Variants in ADARB2 observed in about 807,000 individuals in gnomAD.
ADARB2 encodes the protein inactive double-stranded RNA-specific editase B2.
ADARB2 carries 25 observed loss-of-function variants against 62.2 expected under a neutral mutation model. That is an observed-to-expected ratio of 0.40 (90% CI 0.29 to 0.56). The LOEUF (loss-of-function observed/expected upper bound fraction) is 0.56, where lower values mean the gene tolerates loss of function less well. Among genes scored for constraint, ADARB2 ranks in the 20% least tolerant of loss-of-function variants. The pLI, the probability that ADARB2 is intolerant of heterozygous loss-of-function variation, is 0.43. For missense variants in ADARB2, 1,071 were observed against 1,077.4 expected (o/e 0.99, Z 0.08); for synonymous variants, 572 against 500.8 (o/e 1.14, Z -1.90).
intron 1 of ADARB2, among the ~76,000 whole-genome samples, chr10:1,416,309 G>A (rs908515059): frequency 6.6e-6 from 1 of 152,258 alleles, no homozygotes; most frequent in African/African-American, 2.4e-5. Flanking sequence ...AACTCATGCT[G>A]CCAAAAGTTG....
chr10:1,478,039 C>T (rs7922199), intron 1 of ADARB2, among the ~76,000 whole-genome samples: 37,445 of 152,098 alleles, frequency 0.25, 4,758 homozygotes, highest in East Asian at 0.47. Context: ...TGCAGCAAAC[C>T]TCCCCGAGCC....
At chr10:1,401,693 T>TG (rs1226931593) in intron 1 of ADARB2, among the ~76,000 whole-genome samples, 1 of 151,436 alleles carries the variant, frequency 6.6e-6, no homozygotes, top group African/African-American at 2.4e-5. Context: ...GGTTTGGGAG[T>TG]GGGGTCCAGG....
chr10:1,463,420 A>T (rs1349083144), intron 1 of ADARB2, among the ~76,000 whole-genome samples: 2 of 152,188 alleles, frequency 1.3e-5, no homozygotes, highest in South Asian at 4.1e-4. Context: ...TCCATGATGC[A>T]GATGCAGACA....
At chr10:1,392,720 C>T (rs1034589235) in intron 1 of ADARB2, among the ~76,000 whole-genome samples, 7 of 152,158 alleles carry the variant, frequency 4.6e-5, no homozygotes, top group South Asian at 2.1e-4. Flanking sequence ...TTGTAAAACA[C>T]GAGAAGGTTT....
chr10:1,573,029 C>T (rs1475649704), intron 1 of ADARB2, among the ~76,000 whole-genome samples: 1 of 152,254 alleles, frequency 6.6e-6, no homozygotes, highest in Non-Finnish European at 1.5e-5. Context: ...GGGTTGGCTT[C>T]AGCAGCCCAG....
At chr10:1,579,587 T>A (rs1399065700) in intron 1 of ADARB2, among the ~76,000 whole-genome samples, 1 of 152,198 alleles carries the variant, frequency 6.6e-6, no homozygotes, top group African/African-American at 2.4e-5. Context: ...TGAGGCAGCA[T>A]GTCACAGACA....
intron 1 of ADARB2, among the ~76,000 whole-genome samples, chr10:1,475,570 A>C (rs1362314494): frequency 6.6e-6 from 1 of 152,234 alleles, no homozygotes; most frequent in African/African-American, 2.4e-5. Context: ...AAATTGGAAG[A>C]GAAGGAGACA....
intron 1 of ADARB2, among the ~76,000 whole-genome samples, chr10:1,510,095 CTTTT>C (rs1460095729): frequency 3.4e-5 from 4 of 117,990 alleles, no homozygotes; most frequent in Admixed American, 1.1e-4. Flanking sequence ...CTCTCTCTCT[CTTTT>C]CTTTCTTTCT....
chr10:1,673,684 G>T (rs1834423225), intron 1 of ADARB2, among the ~76,000 whole-genome samples: 1 of 152,184 alleles, frequency 6.6e-6, no homozygotes, highest in Non-Finnish European at 1.5e-5. Context: ...GAAGGAAAGG[G>T]CGAATCCCTC....
chr10:1,196,737 A>C (rs967407065), intron 8 of ADARB2, among the ~76,000 whole-genome samples: 1 of 152,150 alleles, frequency 6.6e-6, no homozygotes, highest in Non-Finnish European at 1.5e-5. Flanking sequence ...TTTAGTTTTC[A>C]TGAAAAGATA....
At chr10:1,222,197 T>G (rs1411082718) in intron 6 of ADARB2, among the ~76,000 whole-genome samples, 1 of 152,266 alleles carries the variant, frequency 6.6e-6, no homozygotes, top group East Asian at 1.9e-4. Flanking sequence ...ATGTGTCTTT[T>G]GGCTGCATAA....
chr10:1,594,788 G>A (rs1170311575), intron 1 of ADARB2, among the ~76,000 whole-genome samples: 1 of 152,238 alleles, frequency 6.6e-6, no homozygotes, highest in Non-Finnish European at 1.5e-5. Flanking sequence ...ATGATATCAG[G>A]TCCTGTAAGT....
intron 3 of ADARB2, among the ~76,000 whole-genome samples, chr10:1,345,100 T>C (rs1010909042): frequency 1.3e-5 from 2 of 150,980 alleles, no homozygotes; most frequent in African/African-American, 2.4e-5. Flanking sequence ...GCCTCGGGTG[T>C]GAGCCAGGAG....
intron 1 of ADARB2, among the ~76,000 whole-genome samples, chr10:1,732,583 G>A (rs1262231835): frequency 3.3e-5 from 5 of 152,226 alleles, no homozygotes; most frequent in Non-Finnish European, 7.3e-5. Flanking sequence ...ATTAGGTGCT[G>A]GTTAACGGTT....
chr10:1,328,547 A>G (rs181542229), intron 3 of ADARB2, among the ~76,000 whole-genome samples: 210 of 152,242 alleles, frequency 1.4e-3, no homozygotes, highest in African/African-American at 3.9e-3. Context: ...ACATACTTCA[A>G]TTATTCTTAT....
chr10:1,220,242 A>G (rs946198392), intron 6 of ADARB2, among the ~76,000 whole-genome samples: 1,952 of 58,974 alleles, frequency 0.033, no homozygotes, highest in East Asian at 0.053. Context: ...TGGTGGTGAT[A>G]ATGGTGGTGG....
chr10:1,240,998 C>T (rs1335570162), intron 5 of ADARB2, among the ~76,000 whole-genome samples: 1 of 152,062 alleles, frequency 6.6e-6, no homozygotes, highest in East Asian at 1.9e-4. Flanking sequence ...GGGCTGAGCA[C>T]AGTGGCTCAT....
chr10:1,312,400 G>T (rs1831700371), intron 3 of ADARB2, among the ~76,000 whole-genome samples: 1 of 152,260 alleles, frequency 6.6e-6, no homozygotes, highest in Non-Finnish European at 1.5e-5. Flanking sequence ...AGCAGGTTCA[G>T]TTATTCTGCT....
chr10:1,485,573 G>A (rs1015880580), intron 1 of ADARB2, among the ~76,000 whole-genome samples: 9 of 152,166 alleles, frequency 5.9e-5, no homozygotes, highest in Non-Finnish European at 4.4e-5. Context: ...AGTCCACCAA[G>A]CGTCCCAGGT....
Sources: gnomAD v4.1 joint callset for allele counts (sites outside exome capture counted in the v4.1 genomes callset) on GRCh38, gnomAD v4.1.1 for gene constraint, MANE v1.5 for transcripts, NCBI Gene and HGNC (gene_info 2026-07-23, HGNC 2026-07-21) for gene names.